SCN8A: variants seen among roughly 807,000 people sequenced by gnomAD.
SCN8A encodes sodium voltage-gated channel alpha subunit 8, also known as sodium channel protein type 8 subunit alpha.
In SCN8A, 30 loss-of-function variants were observed where a neutral mutation model predicts 184.1. That is an observed-to-expected ratio of 0.16 (90% CI 0.12 to 0.22). The LOEUF (loss-of-function observed/expected upper bound fraction) is 0.22. Among genes scored for constraint, SCN8A ranks in the 10% least tolerant of loss-of-function variants. SCN8A has a pLI of 1.00. For synonymous variants in SCN8A, 852 were observed against 907.0 expected, an observed-to-expected ratio of 0.94 and a Z score of 1.09; for missense variants, 1,057 against 2,498.9, an observed-to-expected ratio of 0.42 and a Z score of 12.30.
chr12:51,780,610 C>CTTTTTTTTTT (rs1937886532), intron 20 of SCN8A, 39 bp from the exon 21 acceptor site: 2 of 77,134 alleles, frequency 2.6e-5, no homozygotes, highest in South Asian at 1.5e-4. Context: ...TTTTTGGTTA[C>CTTTTTTTTTT]CTTTTTTGTT....
chr12:51,686,740 T>C, intron 4 of SCN8A, among the ~76,000 whole-genome samples: 1 of 152,116 alleles, frequency 6.6e-6, no homozygotes, highest in East Asian at 1.9e-4. Flanking sequence ...TGATACTGTT[T>C]TCTCCAATTT....
chr12:51,639,223 C>A (rs1940387561), intron 1 of SCN8A, among the ~76,000 whole-genome samples: 1 of 152,124 alleles, frequency 6.6e-6, no homozygotes, highest in South Asian at 2.1e-4. Context: ...AAGCAATCTT[C>A]CTGCCTTGGT....
chr12:51,629,450 A>C (rs1221608605), intron 1 of SCN8A, among the ~76,000 whole-genome samples: 1 of 152,120 alleles, frequency 6.6e-6, no homozygotes, highest in Non-Finnish European at 1.5e-5. Flanking sequence ...ATGTCTCCAG[A>C]CATTGCCAGA....
At chr12:51,762,371 G>C (rs994409541) in intron 14 of SCN8A, 132 bp from the exon 15 acceptor site, 3 of 821,518 alleles carry the variant, frequency 3.7e-6, no homozygotes, top group Non-Finnish European at 5.8e-6. Context: ...TCCAGGTATT[G>C]ATATCTTCAG....
intron 21 of SCN8A, among the ~76,000 whole-genome samples, chr12:51,785,475 T>C (rs1317213812): frequency 6.6e-6 from 1 of 152,222 alleles, no homozygotes; most frequent in East Asian, 1.9e-4. Context: ...TTGCATTTTT[T>C]ACACAAGATA....
In SCN8A at chr12:51,769,879, C is replaced by T. The variant is rs1444975127; in HGVS notation, c.3384C>T (p.Asp1128=). The T allele has an allele frequency of 6.3e-7, 1 of 1,598,748 alleles. No individual in the cohort carries two copies. Among genetic ancestry groups the T allele is most frequent in the Non-Finnish European group, 8.5e-7 (1 of 1,172,418 alleles). Residue 1128 remains aspartate, a synonymous_variant, in exon 18 of 27, where the codon GAC becomes GAT. Transcript: ENST00000627620. ...DPEGSKDKLD[D]TSSSEGSTID... Reference sequence around the variant, plus strand: ...CCTTGCGTGTCTAGAAACTAGATGACACCAGCTCCTCTGAAGGAAGCACCA... The same window carrying T: ...CCTTGCGTGTCTAGAAACTAGATGATACCAGCTCCTCTGAAGGAAGCACCA...
At chr12:51,645,203 TGGG>T (rs1197765774) in intron 1 of SCN8A, among the ~76,000 whole-genome samples, 67 of 133,368 alleles carry the variant, frequency 5.0e-4, no homozygotes, top group African/African-American at 1.8e-3. Flanking sequence ...GGGAGGGAGG[TGGG>T]GGGGTCAGCC....
intron 16 of SCN8A, among the ~76,000 whole-genome samples, chr12:51,766,529 C>T (rs1942840825): frequency 6.6e-6 from 1 of 152,232 alleles, no homozygotes; most frequent in Non-Finnish European, 1.5e-5. Flanking sequence ...CCAAAAATGT[C>T]TGCAGACATT....
rs1941386768 is a variant in SCN8A at position 51,684,426 on chromosome 12, T to C, written c.395+134T>C. The C allele has an allele frequency of 4.5e-6, 3 of 672,712 alleles. No homozygotes were observed. The Admixed American group carries it at 6.4e-5, about 14-fold the overall frequency. 41.7% of individuals were successfully genotyped at this position (672,712 alleles called of 1,614,324 possible). A position where few individuals can be genotyped will look rare whatever the true frequency, so the allele number is the denominator to read the frequency against. On this transcript the variant is annotated intron_variant, in intron 3 of 26. Coordinates refer to ENST00000627620, the MANE Select transcript of SCN8A (RefSeq NM_001330260.2). Reference sequence around the variant, plus strand: ...AGTTAACTAGCCCATCAGTCAGAGGTTTAAGAGTGAACTCCTGCCACATCC... The same window carrying C: ...AGTTAACTAGCCCATCAGTCAGAGGCTTAAGAGTGAACTCCTGCCACATCC...
intron 12 of SCN8A, among the ~76,000 whole-genome samples, chr12:51,740,823 T>TA (rs980555742): frequency 7.2e-5 from 11 of 152,314 alleles, no homozygotes; most frequent in Admixed American, 7.2e-4. Flanking sequence ...CTTGCTCTGT[T>TA]ATCCAGGTTG....
intron 14 of SCN8A, among the ~76,000 whole-genome samples, chr12:51,758,679 C>T (rs1299658562): frequency 6.6e-6 from 1 of 152,212 alleles, no homozygotes; most frequent in African/African-American, 2.4e-5. Context: ...CTCAAGTGAT[C>T]CACCCACCTG....
intron 11 of SCN8A, among the ~76,000 whole-genome samples, chr12:51,721,222 G>A (rs1942054787): frequency 6.6e-6 from 1 of 150,444 alleles, no homozygotes; most frequent in South Asian, 2.1e-4. Flanking sequence ...CACCTCCTCT[G>A]AGCCCATGGT....
At chr12:51,802,848 T>C (rs927991409) in intron 26 of SCN8A, among the ~76,000 whole-genome samples, 5 of 152,230 alleles carry the variant, frequency 3.3e-5, no homozygotes, top group Non-Finnish European at 5.9e-5. Context: ...CCAGGGACTA[T>C]CAGTGTTCTC....
intron 9 of SCN8A, 78 bp downstream of exon 9, chr12:51,702,992 C>T (rs1205072399): frequency 7.5e-7 from 1 of 1,338,150 alleles, no homozygotes; most frequent in African/African-American, 1.5e-5. Context: ...GTGTGAGAGA[C>T]ATTTAGTGAA....
rs137873226 is a variant in SCN8A at position 51,756,856 on chromosome 12, G to A, written c.2370+5263G>A. On this transcript the variant is annotated intron_variant, in intron 14 of 26. Coordinates refer to ENST00000627620, the MANE Select transcript of SCN8A (RefSeq NM_001330260.2). ...GGAAGGGGATGGAAAGAAGAGCTAGGGTTTAATCTGACATATAAGTTTAAG... is the reference window on the plus strand; with the variant it reads ...GGAAGGGGATGGAAAGAAGAGCTAGAGTTTAATCTGACATATAAGTTTAAG... 7.5e-3 allele frequency among the ~76,000 whole-genome samples: 1,139 copies of A among 152,176 alleles called. 17 individuals carry two copies. Among genetic ancestry groups the A allele is most frequent in the Middle Eastern group, 0.01 (3 of 294 alleles).
intron 18 of SCN8A, chr12:51,770,217 C>A: frequency 1.7e-6 from 1 of 585,820 alleles, no homozygotes; most frequent in South Asian, 2.2e-5. Context: ...TTGGCATCAG[C>A]CCAAAAATTT....
chr12:51,805,117 A>G (rs1267788209), intron 26 of SCN8A, among the ~76,000 whole-genome samples: 2 of 152,184 alleles, frequency 1.3e-5, no homozygotes, highest in African/African-American at 4.8e-5. Flanking sequence ...AAAAAACCTA[A>G]TCATTCTTGA....
At chr12:51,774,165 A>G in intron 19 of SCN8A, 24 bp from the exon 20 acceptor site, 1 of 1,611,670 alleles carries the variant, frequency 6.2e-7, no homozygotes, top group Non-Finnish European at 8.5e-7. Context: ...GCACTGTCAT[A>G]GGCAGCTGCT....
intron 12 of SCN8A, among the ~76,000 whole-genome samples, chr12:51,736,614 C>T (rs1942330130): frequency 6.6e-6 from 1 of 152,196 alleles, no homozygotes; most frequent in Admixed American, 6.5e-5. Context: ...GGCCATCAGC[C>T]ATTTAATTCC....
Sources: gnomAD v4.1 joint callset for allele counts (sites outside exome capture counted in the v4.1 genomes callset) on GRCh38, gnomAD v4.1.1 for gene constraint, MANE v1.5 for transcripts, NCBI Gene and HGNC (gene_info 2026-07-23, HGNC 2026-07-21) for gene names.